EYA1: variants seen among roughly 807,000 people sequenced by gnomAD.
EYA1 encodes the protein EYA transcriptional coactivator and phosphatase 1.
In EYA1, 16 loss-of-function variants were observed where a neutral mutation model predicts 82.0. That is an observed-to-expected ratio of 0.20 (90% CI 0.13 to 0.30). The LOEUF (loss-of-function observed/expected upper bound fraction) is 0.30. EYA1 is among the 10% of genes least tolerant of loss of function. EYA1 has a pLI of 1.00. For synonymous variants in EYA1, 261 were observed against 264.4 expected (o/e 0.99, Z 0.12); for missense variants, 633 against 730.7 (o/e 0.87, Z 1.54).
intron 3 of EYA1, among the ~76,000 whole-genome samples, chr8:71,339,722 G>A (rs977155649): frequency 1.3e-5 from 2 of 152,118 alleles, no homozygotes; most frequent in African/African-American, 4.8e-5. Context: ...TTACCAAGAA[G>A]ACTTTCCCAA....
At chr8:71,519,883 C>T (rs1813257785) in intron 2 of EYA1, among the ~76,000 whole-genome samples, 1 of 152,056 alleles carries the variant, frequency 6.6e-6, no homozygotes, top group African/African-American at 2.4e-5. Flanking sequence ...TGTCTGACTG[C>T]AAATTAGTTC....
At chr8:71,358,323 TC>T (rs1346561982) in intron 1 of EYA1, among the ~76,000 whole-genome samples, 4 of 152,194 alleles carry the variant, frequency 2.6e-5, no homozygotes, top group South Asian at 4.1e-4. Context: ...ACAACACATT[TC>T]TTTTATGCTG....
chr8:71,403,289 C>T (rs1330274324), intron 2 of EYA1, among the ~76,000 whole-genome samples: 3 of 151,976 alleles, frequency 2.0e-5, no homozygotes, highest in Non-Finnish European at 4.4e-5. Context: ...ATCCAAATGG[C>T]CAATAAACAT....
chr8:71,475,737 T>C (rs1477651607), intron 2 of EYA1, among the ~76,000 whole-genome samples: 1 of 152,192 alleles, frequency 6.6e-6, no homozygotes, highest in African/African-American at 2.4e-5. Context: ...AACATCGAAT[T>C]AGAGATTGCT....
chr8:71,243,922 A>T (rs1812776508), intron 12 of EYA1, among the ~76,000 whole-genome samples: 1 of 152,276 alleles, frequency 6.6e-6, no homozygotes, highest in Non-Finnish European at 1.5e-5. Flanking sequence ...ATTTAAATAA[A>T]CAACTGTCTC....
intron 9 of EYA1, among the ~76,000 whole-genome samples, chr8:71,282,537 C>T (rs373184747): frequency 2.0e-5 from 3 of 152,326 alleles, no homozygotes; most frequent in South Asian, 2.1e-4. Flanking sequence ...CTTTTGCCAG[C>T]GCCACACACA....
intron 17 of EYA1, among the ~76,000 whole-genome samples, chr8:71,200,325 G>T (rs752096588): frequency 1.2e-4 from 19 of 152,166 alleles, no homozygotes; most frequent in Non-Finnish European, 1.5e-5. Flanking sequence ...ACTAATAGGA[G>T]AATCTGGCAT....
At chr8:71,471,080 T>C in intron 2 of EYA1, 1 of 353,642 alleles carries the variant, frequency 2.8e-6, no homozygotes, top group South Asian at 2.2e-5. Flanking sequence ...CAAAATGTTA[T>C]ATTTGGTGGT....
chr8:71,469,108 T>C (rs1808988326), intron 2 of EYA1, among the ~76,000 whole-genome samples: 1 of 151,990 alleles, frequency 6.6e-6, no homozygotes, highest in African/African-American at 2.4e-5. Context: ...TAATTCAATC[T>C]AATTATAACA....
chr8:71,299,183 A>G lies in EYA1; in HGVS notation c.690T>C (p.Tyr230=), dbSNP rs1360312377. 2 of 1,614,052 alleles carry G rather than the reference A, an allele frequency of 1.2e-6. No individual in the cohort carries two copies. The highest frequency in any genetic ancestry group is 1.7e-6 in the Non-Finnish European group (2 of 1,180,028). The change falls in exon 9 of 18, where the codon TAT becomes TAC. Residue 230 remains tyrosine (Y), a synonymous_variant. Coordinates refer to ENST00000340726, the MANE Select transcript of EYA1 (RefSeq NM_000503.6). The part of the protein sequence containing the change: ...SFGQGQYAQY[Y]NSSPYPAHYM... ...AATGTGCTGGATACGGTGAGCTGTT[A>G]TAATACTGTGCGTACTGACCCTGGC...
intron 2 of EYA1, among the ~76,000 whole-genome samples, chr8:71,371,639 G>A (rs1238103599): frequency 6.6e-6 from 1 of 152,158 alleles, no homozygotes; most frequent in Non-Finnish European, 1.5e-5. Flanking sequence ...CTCGAGAAAT[G>A]TAGAAACCAA....
chr8:71,246,533 T>C (rs904484959), intron 11 of EYA1, among the ~76,000 whole-genome samples: 6 of 152,340 alleles, frequency 3.9e-5, no homozygotes, highest in Middle Eastern at 3.4e-3. Flanking sequence ...ACCCCTACTC[T>C]TTAACATCTG....
At chr8:71,298,997 G>T (rs780120180) in intron 9 of EYA1, 50 bp downstream of exon 9, 6 of 1,572,936 alleles carry the variant, frequency 3.8e-6, no homozygotes, top group Non-Finnish European at 5.2e-6. Context: ...AAAATGCATT[G>T]AAACCATTGA....
In EYA1 at chr8:71,215,427, A is replaced by C; in HGVS notation, c.1557T>G (p.Ile519Met). ...TGTAAATATTTTCTATTGGAAATAC[A>C]ATTCCTAACCCATACAGCAGGACTT... ...LAKVLLYGLG[I>M]VFPIENIYSA... is the part of the protein sequence containing the mutation. Residue 519 changes from isoleucine (I) to methionine (M), a missense_variant, in exon 16 of 18, where the codon ATT becomes ATG. By Grantham distance (10) the Ile-to-Met change is conservative. Coordinates refer to ENST00000340726, the MANE Select transcript of EYA1 (RefSeq NM_000503.6). 5 of 1,612,754 alleles carry C rather than the reference A, an allele frequency of 3.1e-6. No homozygotes were observed. The highest frequency in any genetic ancestry group is 4.2e-6 in the Non-Finnish European group (5 of 1,178,698).
chr8:71,546,701 A>G (rs780670882), intron 1 of EYA1, among the ~76,000 whole-genome samples: 4 of 151,994 alleles, frequency 2.6e-5, no homozygotes, highest in Non-Finnish European at 4.4e-5. Context: ...ACGGGGCTTC[A>G]CCATGTTGGC....
chr8:71,470,075 A>C (rs199966789), intron 2 of EYA1, among the ~76,000 whole-genome samples: 2 of 152,184 alleles, frequency 1.3e-5, no homozygotes, highest in Admixed American at 6.6e-5. Flanking sequence ...AGAAACAAAC[A>C]AAAAAATGTA....
chr8:71,461,671 A>G (rs1330858442), intron 2 of EYA1, among the ~76,000 whole-genome samples: 1 of 152,134 alleles, frequency 6.6e-6, no homozygotes, highest in Non-Finnish European at 1.5e-5. Flanking sequence ...GAGGGTCTCA[A>G]ATTCTTGTCC....
intron 1 of EYA1, among the ~76,000 whole-genome samples, chr8:71,544,487 G>C (rs958892115): frequency 6.6e-6 from 1 of 152,160 alleles, no homozygotes; most frequent in African/African-American, 2.4e-5. Flanking sequence ...TTAGTCTTTA[G>C]GAGGCTTTTC....
intron 2 of EYA1, among the ~76,000 whole-genome samples, chr8:71,519,853 G>A (rs1813256047): frequency 6.6e-6 from 1 of 152,086 alleles, no homozygotes; most frequent in Non-Finnish European, 1.5e-5. Context: ...GGAGCCTGCT[G>A]GCCTTCTAGA....
Sources: gnomAD v4.1 joint callset for allele counts (sites outside exome capture counted in the v4.1 genomes callset) on GRCh38, gnomAD v4.1.1 for gene constraint, MANE v1.5 for transcripts, NCBI Gene and HGNC (gene_info 2026-07-23, HGNC 2026-07-21) for gene names.